LRP5: variants seen among roughly 807,000 people sequenced by gnomAD.
LRP5 encodes LDL receptor related protein 5.
In LRP5, 62 loss-of-function variants were observed where a neutral mutation model predicts 154.1. That is an observed-to-expected ratio of 0.40 (90% confidence interval 0.33 to 0.50). The LOEUF is 0.50. Ranked by LOEUF, LRP5 falls within the 20% of genes least tolerant of loss-of-function variation. The pLI, the probability that LRP5 is intolerant of heterozygous loss-of-function variation, is 0.55. For missense variants in LRP5, 1,915 were observed against 2,336.7 expected (o/e 0.82, Z 3.72); for synonymous variants, 966 against 1,011.5 (o/e 0.96, Z 0.85).
At position 68,410,069 on chromosome 11, in the gene LRP5, G is replaced by A; in HGVS notation, c.2247G>A (p.Gly749=). 1 of 1,614,016 alleles carries A rather than the reference G, an allele frequency of 6.2e-7. No homozygotes were observed. Among genetic ancestry groups the A allele is most frequent in the Non-Finnish European group, 8.5e-7 (1 of 1,180,012 alleles). The change falls in exon 10 of 23, where the codon GGG becomes GGA. Residue 749 remains glycine, a synonymous_variant. Coordinates refer to ENST00000294304, the MANE Select transcript of LRP5 (RefSeq NM_002335.4). ...GAATCGAAGTGGCGCGGCTGGACGG[G>A]CAGTTCCGGCAAGTCCTCGTGTGGA... The part of the protein sequence containing the change: ...TNRIEVARLD[G]QFRQVLVWRD...
intron 1 of LRP5, among the ~76,000 whole-genome samples, chr11:68,339,877 A>G (rs2098607922): frequency 6.6e-6 from 1 of 152,184 alleles, no homozygotes; most frequent in South Asian, 2.1e-4. Flanking sequence ...TACTGGTCAT[A>G]GGATCATTCT....
intron 5 of LRP5, among the ~76,000 whole-genome samples, chr11:68,380,899 T>C (rs1214316463): frequency 1.3e-5 from 2 of 152,158 alleles, no homozygotes. Flanking sequence ...GCTGGGTACG[T>C]TGAATTGTGT....
the LRP5 span, among the ~76,000 whole-genome samples, chr11:68,306,284 C>T: frequency 2.6e-5 from 4 of 152,098 alleles, no homozygotes; most frequent in African/African-American, 9.7e-5. Context: ...TATAGGCACC[C>T]GCCACCATGC....
Position 68,449,271 on chromosome 11 carries a change from C to G in LRP5, c.*201C>G. 2.3e-6 allele frequency: 1 copy of G among 426,232 alleles called. No individual in the cohort carries two copies. The allele number at this position is 426,232 out of a possible 1,614,324, so 26.4% of individuals were successfully genotyped here. ...TATTTATAAACTTAATTTTGTAAAACAGAACTGCCATTCTTTCGTGCCCTG... is the reference window on the plus strand; with the variant it reads ...TATTTATAAACTTAATTTTGTAAAAGAGAACTGCCATTCTTTCGTGCCCTG... On this transcript the variant is annotated 3_prime_UTR_variant, in exon 23 of 23. Coordinates refer to ENST00000294304, the MANE Select transcript of LRP5 (RefSeq NM_002335.4).
At chr11:68,394,090 A>G (rs1294376902) in intron 7 of LRP5, among the ~76,000 whole-genome samples, 1 of 152,190 alleles carries the variant, frequency 6.6e-6, no homozygotes, top group Non-Finnish European at 1.5e-5. Context: ...GATGTAGCCC[A>G]GGGTGCTCCC....
intron 5 of LRP5, among the ~76,000 whole-genome samples, chr11:68,373,246 T>C (rs2098635341): frequency 6.6e-6 from 1 of 152,118 alleles, no homozygotes; most frequent in Non-Finnish European, 1.5e-5. Flanking sequence ...TTTGAGCAAA[T>C]GAAAGCCAGC....
chr11:68,436,281 C>T (rs916214612), intron 18 of LRP5, among the ~76,000 whole-genome samples: 4 of 152,158 alleles, frequency 2.6e-5, no homozygotes, highest in South Asian at 4.1e-4. Flanking sequence ...AGGTGGGGAA[C>T]TGAGCAAGTT....
intron 11 of LRP5, among the ~76,000 whole-genome samples, chr11:68,412,499 G>A (rs148708037): frequency 6.6e-6 from 1 of 152,088 alleles, no homozygotes; most frequent in Non-Finnish European, 1.5e-5. Flanking sequence ...TTAAAAATTA[G>A]CTGGGCATGG....
At position 68,447,596 on chromosome 11, in the gene LRP5, C is replaced by T. The variant is rs1310898762; in HGVS notation, c.4586+1063C>T. Among the ~76,000 whole-genome samples the T allele has an allele frequency of 1.3e-5, 2 of 152,306 alleles. No individual in the cohort carries two copies. The highest frequency in any genetic ancestry group is 1.9e-4 in the East Asian group (1 of 5,178). ...GGGCAGCCCAGTCTCGCTAGTTCCT[C>T]GTCCCACCTCCTGCCTTTGCTCATG... On this transcript the variant is annotated intron_variant, in intron 22 of 22. Coordinates refer to ENST00000294304, the MANE Select transcript of LRP5 (RefSeq NM_002335.4). This position sits in a 1 kb window ranked among gnomAD's most constrained non-coding sequence, Gnocchi z 4.3.
intron 5 of LRP5, among the ~76,000 whole-genome samples, chr11:68,372,429 G>A (rs2098634658): frequency 1.4e-5 from 2 of 147,348 alleles, no homozygotes; most frequent in Admixed American, 1.4e-4. Context: ...GGACCGTGGC[G>A]GCGAGGAGGT....
intron 18 of LRP5, among the ~76,000 whole-genome samples, chr11:68,434,374 A>G (rs1479062072): frequency 6.6e-6 from 1 of 151,732 alleles, no homozygotes; most frequent in Non-Finnish European, 1.5e-5. Flanking sequence ...TCATTCATTC[A>G]TTCATTCATT....
intron 4 of LRP5, among the ~76,000 whole-genome samples, chr11:68,364,356 A>ATGTGTGTGTGTGTG (rs201962983): frequency 3.8e-4 from 48 of 127,494 alleles, no homozygotes; most frequent in Non-Finnish European, 5.4e-4. Context: ...ATATACATAT[A>ATGTGTGTGTGTGTG]TATGTGTGTG....
chr11:68,446,668 C>G (rs1435884866), intron 22 of LRP5, 135 bp downstream of exon 22: 7 of 788,262 alleles, frequency 8.9e-6, no homozygotes, highest in Non-Finnish European at 1.5e-5. Flanking sequence ...AGCCCTGCCT[C>G]CCTCTGCTCT....
chr11:68,431,615 C>T (rs1411485046), intron 17 of LRP5, among the ~76,000 whole-genome samples: 5 of 152,158 alleles, frequency 3.3e-5, no homozygotes, highest in Non-Finnish European at 5.9e-5. Flanking sequence ...AGTAGGGCCG[C>T]GGGGTGCTGC....
intron 1 of LRP5, among the ~76,000 whole-genome samples, chr11:68,338,241 T>C (rs2098606813): frequency 6.6e-6 from 1 of 152,210 alleles, no homozygotes; most frequent in Non-Finnish European, 1.5e-5. Flanking sequence ...ATATAAGGCA[T>C]GGACTGAAAA....
chr11:68,402,245 T>C (rs2098652998), intron 7 of LRP5, among the ~76,000 whole-genome samples: 1 of 152,214 alleles, frequency 6.6e-6, no homozygotes, highest in Admixed American at 6.5e-5. Flanking sequence ...CCTGTTAACA[T>C]ACAGTTCTGC....
At chr11:68,362,808 C>T (rs2098628805) in intron 3 of LRP5, among the ~76,000 whole-genome samples, 1 of 152,238 alleles carries the variant, frequency 6.6e-6, no homozygotes, top group Non-Finnish European at 1.5e-5. Context: ...GCCCACAGCT[C>T]CCATCTTCCC....
At chr11:68,331,373 C>T (rs969163470) in intron 1 of LRP5, among the ~76,000 whole-genome samples, 15 of 152,226 alleles carry the variant, frequency 9.9e-5, no homozygotes, top group African/African-American at 3.4e-4. Context: ...AGCCTTCGGC[C>T]AGTTCCCTTG....
At chr11:68,417,086 A>G (rs1456467497) in intron 13 of LRP5, among the ~76,000 whole-genome samples, 1 of 152,260 alleles carries the variant, frequency 6.6e-6, no homozygotes, top group Non-Finnish European at 1.5e-5. Context: ...AATACTGTGC[A>G]TTCGTAAACG....
Sources: allele counts gnomAD v4.1 joint callset (sites outside exome capture counted in the v4.1 genomes callset), GRCh38; gene constraint gnomAD v4.1.1; non-coding constraint Gnocchi (gnomAD v3.1); transcripts MANE v1.5; gene names NCBI Gene and HGNC (gene_info 2026-07-23, HGNC 2026-07-21).